The following ZCWPW1 variants were observed in gnomAD, a reference collection of about 807,000 sequenced individuals.
ZCWPW1 encodes zinc finger CW-type and PWWP domain containing 1, also known as zinc finger CW-type PWWP domain protein 1.
In ZCWPW1, 56 loss-of-function variants were observed where a neutral mutation model predicts 81.3. The observed-to-expected ratio is 0.69, with a 90% CI of 0.56 to 0.86. The LOEUF is 0.86. Among genes scored for constraint, ZCWPW1 ranks in the 40% least tolerant of loss-of-function variants. The probability of loss-of-function intolerance (pLI) is 0.00; values close to 1 mark genes in which losing one functional copy is unlikely to be tolerated. For missense variants in ZCWPW1, 650 were observed against 769.8 expected (o/e 0.84, Z 1.84); for synonymous variants, 250 against 273.7 (o/e 0.91, Z 0.86).
intron 11 of ZCWPW1, 71 bp from the exon 12 acceptor site, chr7:100,406,869 T>C (rs1793116773): frequency 2.1e-6 from 3 of 1,399,648 alleles, no homozygotes; most frequent in African/African-American, 1.4e-5. Flanking sequence ...CCAGAACAGA[T>C]CGGGAGAATG....
At chr7:100,419,036 G>T (rs1331316747) in intron 5 of ZCWPW1, 75 bp downstream of exon 5, 3 of 1,175,942 alleles carry the variant, frequency 2.6e-6, no homozygotes, top group African/African-American at 1.5e-5. Flanking sequence ...GAGAGAAGCT[G>T]TCAGACTTAA....
rs111471436 is a variant in ZCWPW1, at chr7:100,417,456, G to A, written c.362-273C>T. ...TTATAGGCCAGGCATGGTGGCTCAC[G>A]CCTGTAATCCTAACACTTTGGGAGG... is the stretch of plus-strand genomic sequence containing the variant. On this transcript the variant is annotated intron_variant, in intron 5 of 17. Transcript: ENST00000684423. 649 of 342,754 alleles carry A rather than the reference G, an allele frequency of 1.9e-3. 1 individual carries two copies. Among genetic ancestry groups the A allele is most frequent in the Middle Eastern group, 6.1e-3 (7 of 1,146 alleles). 21.2% of individuals were successfully genotyped at this position (342,754 alleles called of 1,614,324 possible).
At position 100,424,962 on chromosome 7, in the gene ZCWPW1, T is replaced by C. The variant is rs1171053134; in HGVS notation, c.-30+68A>G. On this transcript the variant is annotated intron_variant, in intron 2 of 17. Coordinates refer to ENST00000684423, the MANE Select transcript of ZCWPW1 (RefSeq NM_001386010.1). The stretch of plus-strand genomic sequence containing the variant: ...GATGTAATAAATCTATAAACAGTGA[T>C]GTATAGTATCACATAATATGTATAA... The C allele has an allele frequency of 2.0e-5, 3 of 152,196 alleles. No homozygotes were observed. The East Asian group carries it at 5.8e-4, about 29-fold the overall frequency. 9.4% of individuals were successfully genotyped at this position (152,196 alleles called of 1,614,324 possible). A position where few individuals can be genotyped will look rare whatever the true frequency, so the allele number is the denominator to read the frequency against.
At chr7:100,425,279 C>T (rs1292548277) in intron 1 of ZCWPW1, 143 bp from the exon 2 acceptor site, 3 of 151,954 alleles carry the variant, frequency 2.0e-5, no homozygotes, top group African/African-American at 4.8e-5. Flanking sequence ...CTTTTCTTAC[C>T]TTAGATGAAG....
At chr7:100,419,063 A>T in intron 5 of ZCWPW1, 48 bp downstream of exon 5, 1 of 1,490,428 alleles carries the variant, frequency 6.7e-7, no homozygotes, top group Non-Finnish European at 9.3e-7. Flanking sequence ...CTCTCAGGTA[A>T]CAGTCACTGC....
chr7:100,402,939 A>G (rs779444137), intron 15 of ZCWPW1, among the ~76,000 whole-genome samples: 1 of 152,228 alleles, frequency 6.6e-6, no homozygotes, highest in Non-Finnish European at 1.5e-5. Context: ...GTAGGGGAGA[A>G]AGGAGTGGAA....
chr7:100,407,759 T>A (rs887873952), intron 10 of ZCWPW1, among the ~76,000 whole-genome samples: 10 of 152,018 alleles, frequency 6.6e-5, no homozygotes, highest in Admixed American at 1.3e-4. Flanking sequence ...CCTCTAGTGG[T>A]CACTACTGAA....
intron 15 of ZCWPW1, 145 bp downstream of exon 15, chr7:100,403,549 T>G: frequency 2.4e-6 from 1 of 412,078 alleles, no homozygotes. Flanking sequence ...GTTGGCCAGG[T>G]GTGGTGGCTC....
intron 1 of ZCWPW1, among the ~76,000 whole-genome samples, chr7:100,427,945 G>C (rs1241753291): frequency 6.7e-6 from 1 of 148,704 alleles, no homozygotes; most frequent in African/African-American, 2.5e-5. Context: ...CACTCCTGCC[G>C]AGGCCCCGTG....
intron 8 of ZCWPW1, among the ~76,000 whole-genome samples, chr7:100,413,218 C>G (rs927174256): frequency 6.6e-6 from 1 of 152,204 alleles, no homozygotes; most frequent in Non-Finnish European, 1.5e-5. Flanking sequence ...TGGATTCCCC[C>G]TGCACTTAGG....
intron 7 of ZCWPW1, 66 bp downstream of exon 7, chr7:100,416,239 C>A: frequency 6.3e-7 from 1 of 1,598,042 alleles, no homozygotes; most frequent in South Asian, 1.1e-5. Context: ...TGCCCATGGT[C>A]CCATTCCCTA....
rs1792411327 is a variant in ZCWPW1, at chr7:100,403,755, C to G, written c.1352G>C (p.Gly451Ala). ...DLQLSGLNSPGSCLEKKEKEE... is the reference protein window; with the variant it reads ...DLQLSGLNSPASCLEKKEKEE... ...TTTCTCCTTTTTCTCTAAGCAGGATCCTGGGCTGTTCAAACCAGAGAGCTG... is the reference window on the plus strand; with the variant it reads ...TTTCTCCTTTTTCTCTAAGCAGGATGCTGGGCTGTTCAAACCAGAGAGCTG... The change falls in exon 15 of 18, where the codon GGA (glycine) becomes GCA (alanine). Residue 451 changes from glycine (G) to alanine (A), a missense_variant. By Grantham distance (60) the Gly-to-Ala change is moderately conservative (BLOSUM62 0). Coordinates refer to ENST00000684423, the MANE Select transcript of ZCWPW1 (RefSeq NM_001386010.1). 3.1e-6 allele frequency: 5 copies of G among 1,613,990 alleles called. No homozygotes were observed. Among genetic ancestry groups the G allele is most frequent in the African/African-American group, 1.3e-5 (1 of 74,922 alleles).
At chr7:100,420,301 C>T (rs1157864085) in intron 3 of ZCWPW1, among the ~76,000 whole-genome samples, 1 of 152,152 alleles carries the variant, frequency 6.6e-6, no homozygotes, top group African/African-American at 2.4e-5. Context: ...TATGCCACCT[C>T]CTCAATAAAA....
Position 100,408,539 on chromosome 7 carries a change from CA to C in ZCWPW1, c.991del (p.Trp331GlyfsTer5). ...CTCTGACTGTGTCATAATGCCCTACCAGGGGTAACCGTATTGCTTGGCCCAG... is the reference window on the plus strand; with the variant it reads ...CTCTGACTGTGTCATAATGCCCTACCGGGGTAACCGTATTGCTTGGCCCAG... ...IIWAKQYGYP[W>X]WPGMIESDPD... On this transcript the variant is annotated frameshift_variant and splice_region_variant, in exon 10 of 18. Transcript: ENST00000684423. LOFTEE classifies it high-confidence loss of function. The C allele has an allele frequency of 1.2e-6, 2 of 1,613,032 alleles. No individual in the cohort carries two copies. The highest frequency in any genetic ancestry group is 1.7e-6 in the Non-Finnish European group (2 of 1,179,534).
rs143930752 is a variant in ZCWPW1 at position 100,410,340 on chromosome 7, C to T, written c.755-796G>A. On this transcript the variant is annotated intron_variant, in intron 8 of 17. Transcript: ENST00000684423. ...GCCTGGAGACCCACTAATGACACTGCCCCACCTAAACCACCCCCACCTACA... is the reference window on the plus strand; with the variant it reads ...GCCTGGAGACCCACTAATGACACTGTCCCACCTAAACCACCCCCACCTACA... 2.7e-4 allele frequency among the ~76,000 whole-genome samples: 41 copies of T among 152,260 alleles called. No individual in the cohort carries two copies. In the East Asian group the frequency reaches 7.7e-3, roughly 29 times the overall value.
chr7:100,416,175 GGAA>G (rs907336637), intron 7 of ZCWPW1, 78 bp from the exon 8 acceptor site: 1 of 1,599,298 alleles, frequency 6.3e-7, no homozygotes, highest in Admixed American at 1.7e-5. Flanking sequence ...AGTGAAAGAA[GGAA>G]GAAGAATCAC....
chr7:100,409,084 C>T (rs781152088), intron 9 of ZCWPW1, among the ~76,000 whole-genome samples: 4 of 152,268 alleles, frequency 2.6e-5, no homozygotes, highest in Middle Eastern at 3.4e-3. Flanking sequence ...GAATTCTAAG[C>T]GCACCAGATC....
rs1312123600 is a variant in ZCWPW1, at chr7:100,408,638, T to C, written c.893A>G (p.Asp298Gly). Reference protein sequence around the residue: ...QNTDVQYNRCDIPEETWTGLE... With the variant: ...QNTDVQYNRCGIPEETWTGLE... ...CCCTGTCCAGGTCTCCTCAGGAATATCACAGCGATTATACTGCACATCTGC... is the reference window on the plus strand; with the variant it reads ...CCCTGTCCAGGTCTCCTCAGGAATACCACAGCGATTATACTGCACATCTGC... Residue 298 changes from aspartate to glycine, a missense_variant, in exon 10 of 18, where the codon GAT (aspartate) becomes GGT (glycine). Asp to Gly is a moderately conservative substitution (Grantham distance 94, BLOSUM62 -1). Coordinates refer to ENST00000684423, the MANE Select transcript of ZCWPW1 (RefSeq NM_001386010.1). 6.2e-7 allele frequency: 1 copy of C among 1,613,824 alleles called. No homozygotes were observed. Among genetic ancestry groups the C allele is most frequent in the Non-Finnish European group, 8.5e-7 (1 of 1,179,868 alleles).
At chr7:100,406,843 T>A in intron 11 of ZCWPW1, 45 bp from the exon 12 acceptor site, 1 of 1,556,786 alleles carries the variant, frequency 6.4e-7, no homozygotes, top group Non-Finnish European at 8.9e-7. Context: ...TCCTGCTCCC[T>A]GCTTTTCTCC....
Sources: allele counts gnomAD v4.1 joint callset (sites outside exome capture counted in the v4.1 genomes callset), GRCh38; gene constraint gnomAD v4.1.1; transcripts MANE v1.5; gene names NCBI Gene and HGNC (gene_info 2026-07-23, HGNC 2026-07-21).